Variants in RABGAP1L observed in about 807,000 individuals in gnomAD.
The protein encoded by RABGAP1L is RAB GTPase activating protein 1 like, also known as rab GTPase-activating protein 1-like.
A neutral mutation model predicts 137.7 loss-of-function variants in RABGAP1L; 63 were observed. The ratio of observed to expected loss-of-function variants is 0.46; its 90% CI spans 0.37 to 0.56. The LOEUF (loss-of-function observed/expected upper bound fraction) is 0.56, where lower values mean the gene tolerates loss of function less well. RABGAP1L is among the 20% of genes least tolerant of loss of function. RABGAP1L has a pLI of 0.00. For missense variants in RABGAP1L, 1,095 were observed against 1,244.0 expected, an observed-to-expected ratio of 0.88 and a Z score of 1.80; for synonymous variants, 431 against 433.7, an observed-to-expected ratio of 0.99 and a Z score of 0.08.
intron 1 of RABGAP1L, among the ~76,000 whole-genome samples, chr1:174,204,134 A>T (rs1006067163): frequency 1.3e-5 from 2 of 152,052 alleles, no homozygotes; most frequent in African/African-American, 4.8e-5. Context: ...TATTTTTAGT[A>T]GAGACAGGAT....
intron 19 of RABGAP1L, among the ~76,000 whole-genome samples, chr1:174,898,935 G>A (rs866924955): frequency 1.3e-5 from 2 of 152,094 alleles, no homozygotes; most frequent in African/African-American, 4.8e-5. Flanking sequence ...TCAAAAAAAG[G>A]GTATGAGTTT....
At chr1:174,588,076 G>A (rs1023146916) in intron 13 of RABGAP1L, among the ~76,000 whole-genome samples, 1 of 151,996 alleles carries the variant, frequency 6.6e-6, no homozygotes, top group East Asian at 1.9e-4. Flanking sequence ...ATGTTGGCCC[G>A]GCTGGTCTCG....
intron 7 of RABGAP1L, among the ~76,000 whole-genome samples, chr1:174,266,614 C>A (rs1471074430): frequency 6.6e-6 from 1 of 152,188 alleles, no homozygotes; most frequent in Non-Finnish European, 1.5e-5. Flanking sequence ...GTCCACAAGT[C>A]ACTATATACA....
At chr1:174,449,926 G>A (rs1655241490) in intron 13 of RABGAP1L, among the ~76,000 whole-genome samples, 1 of 151,824 alleles carries the variant, frequency 6.6e-6, no homozygotes, top group East Asian at 1.9e-4. Flanking sequence ...GCATCCATTG[G>A]TACCTTACTT....
chr1:174,698,500 C>CT (rs1283244401), intron 15 of RABGAP1L, among the ~76,000 whole-genome samples: 1 of 152,116 alleles, frequency 6.6e-6, no homozygotes, highest in Non-Finnish European at 1.5e-5. Context: ...AGCATTCCCC[C>CT]TTTTGGGAAT....
At chr1:174,444,498 A>G (rs1654514322) in intron 13 of RABGAP1L, among the ~76,000 whole-genome samples, 1 of 152,100 alleles carries the variant, frequency 6.6e-6, no homozygotes, top group South Asian at 2.1e-4. Context: ...CTTTTTAAGA[A>G]TAGTTTGAGT....
chr1:174,391,798 T>C (rs1464804817), intron 12 of RABGAP1L, among the ~76,000 whole-genome samples: 2 of 152,218 alleles, frequency 1.3e-5, no homozygotes, highest in African/African-American at 2.4e-5. Flanking sequence ...TTATAAATTA[T>C]TGGACTCATA....
chr1:174,575,083 A>C (rs1477609327), intron 13 of RABGAP1L, among the ~76,000 whole-genome samples: 1 of 152,136 alleles, frequency 6.6e-6, no homozygotes, highest in African/African-American at 2.4e-5. Flanking sequence ...GGCATGCGCC[A>C]CCACACCTGG....
chr1:174,231,170 T>C lies in RABGAP1L; in HGVS notation c.357T>C (p.Ser119=), dbSNP rs1670620527. ...NTEISTPRPS[S]PGGLPEEDSV... is the part of the protein sequence containing the mutation. ...AAATTTCTACACCCAGACCATCTTC[T>C]CCAGGTGGACTACCTGAAGAAGATA... Residue 119 remains serine (S), a synonymous_variant, in exon 4 of 26, where the codon TCT becomes TCC. Transcript: ENST00000681986. 6.2e-7 allele frequency: 1 copy of C among 1,612,976 alleles called. No individual in the cohort carries two copies. The highest frequency in any genetic ancestry group is 1.1e-5 in the South Asian group (1 of 91,050).
chr1:174,890,207 C>A (rs1486456037), intron 19 of RABGAP1L, among the ~76,000 whole-genome samples: 1 of 152,194 alleles, frequency 6.6e-6, no homozygotes, highest in Non-Finnish European at 1.5e-5. Context: ...TGGGAGACAG[C>A]CATGTAAACA....
intron 19 of RABGAP1L, among the ~76,000 whole-genome samples, chr1:174,914,295 G>A (rs1558226507): frequency 6.6e-6 from 1 of 152,136 alleles, no homozygotes; most frequent in Non-Finnish European, 1.5e-5. Flanking sequence ...TGCCAACAGG[G>A]GAAAGGAAGA....
chr1:174,213,348 C>T (rs986793010), intron 1 of RABGAP1L, among the ~76,000 whole-genome samples: 2 of 152,126 alleles, frequency 1.3e-5, no homozygotes, highest in African/African-American at 2.4e-5. Context: ...TCACTTGAAC[C>T]TGGGAGGTGG....
chr1:174,635,244 T>C (rs1016921012), intron 13 of RABGAP1L, among the ~76,000 whole-genome samples: 5 of 152,168 alleles, frequency 3.3e-5, no homozygotes, highest in Admixed American at 1.3e-4. Context: ...TCTCTCTTAA[T>C]GTCCTGAAAA....
chr1:174,791,965 T>G (rs1687892751), intron 18 of RABGAP1L, among the ~76,000 whole-genome samples: 1 of 152,236 alleles, frequency 6.6e-6, no homozygotes. Context: ...AGGCTCAGGT[T>G]CCTGACCAGT....
At chr1:174,260,231 G>T (rs752525599) in intron 7 of RABGAP1L, among the ~76,000 whole-genome samples, 1 of 152,056 alleles carries the variant, frequency 6.6e-6, no homozygotes, top group Non-Finnish European at 1.5e-5. Context: ...TTAAACCAGG[G>T]TCATCTGATT....
intron 13 of RABGAP1L, among the ~76,000 whole-genome samples, chr1:174,402,068 C>A (rs12067445): frequency 0.12 from 18,591 of 152,144 alleles, 3,834 homozygotes; most frequent in African/African-American, 0.42. Context: ...AGGACTGCCC[C>A]TCAGTAGATG....
At chr1:174,610,342 G>C (rs1383282432) in intron 13 of RABGAP1L, among the ~76,000 whole-genome samples, 3 of 151,266 alleles carry the variant, frequency 2.0e-5, no homozygotes, top group Non-Finnish European at 4.4e-5. Context: ...TACTGAGAAT[G>C]ATGATTTCCA....
At chr1:174,536,362 A>G (rs913374566) in intron 13 of RABGAP1L, among the ~76,000 whole-genome samples, 19 of 152,062 alleles carry the variant, frequency 1.2e-4, no homozygotes, top group African/African-American at 4.6e-4. Flanking sequence ...AAAAAGATGG[A>G]AAAAAGGAAA....
chr1:174,685,551 C>CTTTATTTATTTA (rs58721848), intron 15 of RABGAP1L, among the ~76,000 whole-genome samples: 26,575 of 144,890 alleles, frequency 0.18, 2,832 homozygotes, highest in African/African-American at 0.26. Flanking sequence ...CCGCGCCGGC[C>CTTTATTTATTTA]TTTATTTATT....
Sources: allele counts gnomAD v4.1 joint callset (sites outside exome capture counted in the v4.1 genomes callset), GRCh38; gene constraint gnomAD v4.1.1; transcripts MANE v1.5; gene names NCBI Gene and HGNC (gene_info 2026-07-23, HGNC 2026-07-21).